CGGBP1: variants seen among roughly 807,000 people sequenced by gnomAD.
The protein encoded by CGGBP1 is CGG triplet repeat-binding protein 1.
Under a neutral mutation model 11.4 loss-of-function variants are expected in CGGBP1, and 4 were observed. That is an observed-to-expected ratio of 0.35 (90% confidence interval 0.17 to 0.80). The LOEUF (loss-of-function observed/expected upper bound fraction) is 0.80. Ranked by LOEUF, CGGBP1 falls within the 30% of genes least tolerant of loss-of-function variation. The probability of loss-of-function intolerance (pLI) is 0.52; values close to 1 mark genes in which losing one functional copy is unlikely to be tolerated. For missense variants in CGGBP1, 135 were observed against 202.1 expected (o/e 0.67, Z 2.01); for synonymous variants, 76 against 74.1 (o/e 1.03, Z -0.13).
chr3:88,091,722 G>C (rs994303654), intron 2 of CGGBP1, among the ~76,000 whole-genome samples: 2 of 152,144 alleles, frequency 1.3e-5, no homozygotes, highest in Non-Finnish European at 1.5e-5. Context: ...TCATGATAGT[G>C]AATAAGTCTC....
intron 2 of CGGBP1, among the ~76,000 whole-genome samples, chr3:88,090,927 C>G (rs1490797023): frequency 6.6e-6 from 1 of 152,222 alleles, no homozygotes; most frequent in African/African-American, 2.4e-5. Flanking sequence ...TGTTGGGCCT[C>G]ATTCAAAGCC....
intron 1 of CGGBP1, among the ~76,000 whole-genome samples, chr3:88,147,729 G>A (rs138286007): frequency 3.3e-5 from 5 of 152,284 alleles, no homozygotes; most frequent in African/African-American, 1.2e-4. Flanking sequence ...ATCTCGAAAA[G>A]CATCTTGACA....
intron 2 of CGGBP1, among the ~76,000 whole-genome samples, chr3:88,081,799 G>A (rs1455687479): frequency 1.3e-5 from 2 of 152,074 alleles, no homozygotes; most frequent in Admixed American, 1.3e-4. Context: ...CCTTTTATTG[G>A]AGAATGGTAT....
intron 2 of CGGBP1, among the ~76,000 whole-genome samples, chr3:88,096,591 G>A (rs571814566): frequency 8.6e-5 from 13 of 152,000 alleles, no homozygotes; most frequent in Non-Finnish European, 1.5e-4. Context: ...ATACTTTAAA[G>A]AAGTCCATCC....
chr3:88,070,735 C>A (rs1016118579), intron 2 of CGGBP1, among the ~76,000 whole-genome samples: 8 of 151,994 alleles, frequency 5.3e-5, no homozygotes, highest in Admixed American at 4.6e-4. Flanking sequence ...TATGTCAGTT[C>A]CTGTCCTAGA....
intron 2 of CGGBP1, among the ~76,000 whole-genome samples, chr3:88,102,253 A>G (rs573580311): frequency 3.3e-5 from 5 of 152,268 alleles, no homozygotes; most frequent in South Asian, 4.1e-4. Context: ...AATGTCCTCA[A>G]AAAACTTTTT....
intron 2 of CGGBP1, among the ~76,000 whole-genome samples, chr3:88,091,080 A>T (rs187950907): frequency 2.9e-4 from 44 of 152,342 alleles, no homozygotes; most frequent in African/African-American, 1.0e-3. Flanking sequence ...ACAGGTTTGT[A>T]GCCCAGGTGT....
chr3:88,056,144 C>T, intron 3 of CGGBP1, 145 bp from the exon 4 acceptor site: 1 of 604,060 alleles, frequency 1.7e-6, no homozygotes. Flanking sequence ...TTAATCTTAA[C>T]TTACCTGAAA....
At chr3:88,081,402 C>G (rs183240548) in intron 2 of CGGBP1, among the ~76,000 whole-genome samples, 1 of 152,164 alleles carries the variant, frequency 6.6e-6, no homozygotes, top group African/African-American at 2.4e-5. Flanking sequence ...TGCTTCTCCT[C>G]AAATTTTCAC....
intron 1 of CGGBP1, among the ~76,000 whole-genome samples, chr3:88,145,128 C>T (rs1017545735): frequency 1.4e-4 from 21 of 151,994 alleles, no homozygotes; most frequent in African/African-American, 4.6e-4. Context: ...AAAATTACTT[C>T]CTAGGAAAGA....
intron 2 of CGGBP1, among the ~76,000 whole-genome samples, chr3:88,067,349 G>A (rs1283926351): frequency 6.6e-6 from 1 of 152,222 alleles, no homozygotes; most frequent in Non-Finnish European, 1.5e-5. Flanking sequence ...CCTCATCCAA[G>A]GAGAGATCTT....
intron 2 of CGGBP1, among the ~76,000 whole-genome samples, chr3:88,087,566 G>A (rs1284332682): frequency 6.6e-6 from 1 of 152,082 alleles, no homozygotes; most frequent in East Asian, 1.9e-4. Context: ...GTTTTCTGGG[G>A]GACAGAAAGC....
intron 2 of CGGBP1, among the ~76,000 whole-genome samples, chr3:88,137,806 A>G (rs929945124): frequency 1.3e-5 from 2 of 152,170 alleles, no homozygotes; most frequent in Admixed American, 1.3e-4. Context: ...TCAGGGTTAC[A>G]CAGCATGTAA....
At chr3:88,125,035 G>C (rs1706008734) in intron 2 of CGGBP1, among the ~76,000 whole-genome samples, 1 of 151,958 alleles carries the variant, frequency 6.6e-6, no homozygotes, top group Admixed American at 6.6e-5. Context: ...CTAACACGGT[G>C]AAACTCTGTC....
chr3:88,099,168 A>G (rs1704246129), intron 2 of CGGBP1, among the ~76,000 whole-genome samples: 1 of 152,190 alleles, frequency 6.6e-6, no homozygotes, highest in Non-Finnish European at 1.5e-5. Flanking sequence ...TGCAAAAATC[A>G]CAAGCATTCC....
At chr3:88,057,429 T>C (rs1706577407) in intron 2 of CGGBP1, 137 bp from the exon 3 acceptor site, 1 of 152,162 alleles carries the variant, frequency 6.6e-6, no homozygotes, top group Non-Finnish European at 1.5e-5. Context: ...ACAGTTATGA[T>C]TCCTATCTAG....
intron 2 of CGGBP1, among the ~76,000 whole-genome samples, chr3:88,106,965 CTATT>C (rs1326907386): frequency 1.2e-4 from 18 of 152,134 alleles, no homozygotes; most frequent in Admixed American, 1.2e-3. Context: ...TTTCATTAGC[CTATT>C]TGTCTGTTCG....
intron 2 of CGGBP1, among the ~76,000 whole-genome samples, chr3:88,087,851 G>A (rs1054585587): frequency 8.5e-5 from 13 of 152,144 alleles, no homozygotes; most frequent in African/African-American, 3.1e-4. Context: ...AGCATTAGAG[G>A]TTGAGTATCC....
chr3:88,134,641 A>C (rs1232482343), intron 2 of CGGBP1, among the ~76,000 whole-genome samples: 1 of 152,124 alleles, frequency 6.6e-6, no homozygotes, highest in East Asian at 1.9e-4. Context: ...TTGATATCTT[A>C]ATAAATTGAA....
Sources: allele counts gnomAD v4.1 joint callset (sites outside exome capture counted in the v4.1 genomes callset), GRCh38; gene constraint gnomAD v4.1.1; transcripts MANE v1.5; gene names NCBI Gene and HGNC (gene_info 2026-07-23, HGNC 2026-07-21).